GABRB3: variants seen among roughly 807,000 people sequenced by gnomAD.
GABRB3 encodes the protein gamma-aminobutyric acid type A receptor subunit beta3.
A neutral mutation model predicts 52.1 loss-of-function variants in GABRB3; 14 were observed. The ratio of observed to expected loss-of-function variants is 0.27; its 90% CI spans 0.18 to 0.42. The LOEUF is 0.42. Ranked by LOEUF, GABRB3 falls within the 10% of genes least tolerant of loss-of-function variation. GABRB3 has a pLI of 1.00. For synonymous variants in GABRB3, 260 were observed against 232.3 expected, an observed-to-expected ratio of 1.12 and a Z score of -1.08; for missense variants, 307 against 609.1, an observed-to-expected ratio of 0.50 and a Z score of 5.22.
At chr15:26,771,656 C>T (rs1193274302) in intron 3 of GABRB3, among the ~76,000 whole-genome samples, 1 of 152,208 alleles carries the variant, frequency 6.6e-6, no homozygotes, top group Non-Finnish European at 1.5e-5. Flanking sequence ...CTTCGCACCT[C>T]GGGGTACTGA....
rs1166649147 is a variant in GABRB3 at position 26,701,136 on chromosome 15, A to G, written c.240+71266T>C. 2.6e-5 allele frequency among the ~76,000 whole-genome samples: 4 copies of G among 152,230 alleles called. No individual in the cohort carries two copies. In the South Asian group the frequency reaches 6.2e-4, roughly 24 times the overall value. On this transcript the variant is annotated intron_variant, in intron 3 of 8. Transcript: ENST00000311550. ...CTTGAGACAGAGCATCTGTGAAACAACTATTACAAACATACTTAACAGTAA... is the reference window on the plus strand; with the variant it reads ...CTTGAGACAGAGCATCTGTGAAACAGCTATTACAAACATACTTAACAGTAA...
intron 3 of GABRB3, among the ~76,000 whole-genome samples, chr15:26,725,279 T>A (rs1044838758): frequency 6.6e-6 from 1 of 152,168 alleles, no homozygotes; most frequent in Non-Finnish European, 1.5e-5. Flanking sequence ...TAACTTCAGG[T>A]GTCTTTTCAG....
intron 4 of GABRB3, among the ~76,000 whole-genome samples, chr15:26,608,172 C>T (rs1595478560): frequency 6.7e-6 from 1 of 149,916 alleles, no homozygotes; most frequent in African/African-American, 2.4e-5. Context: ...CATTCATGTA[C>T]TTTCAATATG....
intron 8 of GABRB3, among the ~76,000 whole-genome samples, chr15:26,554,518 G>T (rs1335499531): frequency 6.6e-6 from 1 of 151,960 alleles, no homozygotes; most frequent in African/African-American, 2.4e-5. Flanking sequence ...CGATTCTAAT[G>T]ACTCAGTTTT....
intron 3 of GABRB3, among the ~76,000 whole-genome samples, chr15:26,708,318 C>T (rs1889172568): frequency 6.6e-6 from 1 of 152,124 alleles, no homozygotes; most frequent in African/African-American, 2.4e-5. Flanking sequence ...AGAACAGATC[C>T]ACAGATGGCA....
chr15:26,706,438 G>T (rs1549481), intron 3 of GABRB3, among the ~76,000 whole-genome samples: 107,915 of 149,776 alleles, frequency 0.72, 40,624 homozygotes, highest in South Asian at 0.87. Flanking sequence ...AAATTGAGGG[G>T]TTTTTTTTTT....
chr15:26,570,889 A>C (rs1268095735), intron 6 of GABRB3, among the ~76,000 whole-genome samples: 1 of 152,176 alleles, frequency 6.6e-6, no homozygotes, highest in Non-Finnish European at 1.5e-5. Context: ...TCCCCAGGGC[A>C]GAATTTGTGA....
chr15:26,679,787 TG>T (rs1888181123), intron 3 of GABRB3, among the ~76,000 whole-genome samples: 1 of 152,138 alleles, frequency 6.6e-6, no homozygotes, highest in Non-Finnish European at 1.5e-5. Context: ...TGCTGCATCC[TG>T]GGGCTGGGAC....
At chr15:26,770,797 A>G (rs942636423) in intron 3 of GABRB3, among the ~76,000 whole-genome samples, 1 of 152,258 alleles carries the variant, frequency 6.6e-6, no homozygotes, top group African/African-American at 2.4e-5. Flanking sequence ...CACAGATCAC[A>G]CAGTGTGGAT....
At chr15:26,763,937 G>T (rs1021611650) in intron 3 of GABRB3, among the ~76,000 whole-genome samples, 1 of 151,424 alleles carries the variant, frequency 6.6e-6, no homozygotes, top group Non-Finnish European at 1.5e-5. Flanking sequence ...CCTGAGGTTA[G>T]GAGTTCAAGA....
chr15:26,550,755 C>T (rs1281156506), intron 8 of GABRB3, among the ~76,000 whole-genome samples: 1 of 152,204 alleles, frequency 6.6e-6, no homozygotes, highest in Admixed American at 6.5e-5. Flanking sequence ...ACTTTAATTT[C>T]AGCCTCCTGA....
intron 3 of GABRB3, among the ~76,000 whole-genome samples, chr15:26,697,046 CAG>C (rs1367606394): frequency 1.3e-5 from 2 of 152,166 alleles, no homozygotes; most frequent in African/African-American, 4.8e-5. Context: ...TCCAAACCCA[CAG>C]AGTTGTTAAG....
intron 3 of GABRB3, among the ~76,000 whole-genome samples, chr15:26,726,753 G>A (rs896591864): frequency 2.0e-5 from 3 of 152,160 alleles, no homozygotes; most frequent in African/African-American, 7.2e-5. Context: ...ACTTGGTCAA[G>A]CTGGTATCTG....
intron 4 of GABRB3, among the ~76,000 whole-genome samples, chr15:26,607,022 CA>C (rs753217739): frequency 4.6e-5 from 7 of 152,212 alleles, no homozygotes; most frequent in Non-Finnish European, 1.0e-4. Context: ...TTCAACCACT[CA>C]AAGACTACTG....
chr15:26,679,075 C>A (rs8043319), intron 3 of GABRB3, among the ~76,000 whole-genome samples: 1 of 152,046 alleles, frequency 6.6e-6, no homozygotes, highest in Admixed American at 6.5e-5. Context: ...GCATCCGCCC[C>A]GGGGGCACCA....
At chr15:26,730,426 A>G (rs1889880428) in intron 3 of GABRB3, among the ~76,000 whole-genome samples, 1 of 151,614 alleles carries the variant, frequency 6.6e-6, no homozygotes, top group Admixed American at 6.6e-5. Flanking sequence ...TCAAAAAAAA[A>G]AAAAAAAAAA....
At chr15:26,725,377 T>C (rs1228863486) in intron 3 of GABRB3, among the ~76,000 whole-genome samples, 1 of 152,096 alleles carries the variant, frequency 6.6e-6, no homozygotes, top group Non-Finnish European at 1.5e-5. Flanking sequence ...CAGAGGCACA[T>C]GATCTAAGAA....
At chr15:26,743,022 C>G (rs1555381354) in intron 3 of GABRB3, among the ~76,000 whole-genome samples, 1 of 151,114 alleles carries the variant, frequency 6.6e-6, no homozygotes, top group Non-Finnish European at 1.5e-5. Flanking sequence ...CTCCGCCTCC[C>G]GGGTTCAAGT....
intron 3 of GABRB3, among the ~76,000 whole-genome samples, chr15:26,747,812 T>C (rs1156309031): frequency 6.6e-6 from 1 of 152,166 alleles, no homozygotes; most frequent in Non-Finnish European, 1.5e-5. Flanking sequence ...TTAACTATAA[T>C]GACAGCTGTA....
Sources: allele counts gnomAD v4.1 joint callset (sites outside exome capture counted in the v4.1 genomes callset), GRCh38; gene constraint gnomAD v4.1.1; transcripts MANE v1.5; gene names NCBI Gene and HGNC (gene_info 2026-07-23, HGNC 2026-07-21).